The following MEGF10 variants were observed in gnomAD, a reference collection of about 807,000 sequenced individuals.
MEGF10 encodes multiple EGF like domains 10, also known as multiple epidermal growth factor-like domains protein 10.
In MEGF10, 86 loss-of-function variants were observed where a neutral mutation model predicts 147.5. That is an observed-to-expected ratio of 0.58 (90% confidence interval 0.49 to 0.70). The LOEUF (loss-of-function observed/expected upper bound fraction) is 0.70, where lower values mean the gene tolerates loss of function less well. Among genes scored for constraint, MEGF10 ranks in the 30% least tolerant of loss-of-function variants. The pLI is 0.00. For missense variants in MEGF10, 1,329 were observed against 1,487.3 expected (o/e 0.89, Z 1.75); for synonymous variants, 478 against 525.5 (o/e 0.91, Z 1.24).
rs1218321550 is a variant in MEGF10 at position 127,445,652 on chromosome 5, C to A, written c.2687C>A (p.Thr896Asn). The change falls in exon 20 of 25, where the codon ACC becomes AAC. Residue 896 changes from threonine to asparagine, a missense_variant. Around this residue, in one of 3 missense-constraint regions of MEGF10, gnomAD observed 343 missense variants for 377.9 expected, o/e 0.91. Coordinates refer to ENST00000503335, the MANE Select transcript of MEGF10 (RefSeq NM_001256545.2). ...TCAAGCATGCCAGCAGTTACCTACA[C>A]CCCTGCTATGAGGGTCGTCAATGCA... is the stretch of plus-strand genomic sequence containing the variant. ...KESSMPAVTY[T>N]PAMRVVNADY... is the part of the protein sequence containing the mutation. The A allele has an allele frequency of 5.0e-6, 8 of 1,614,072 alleles. No individual in the cohort carries two copies. The South Asian group carries it at 5.5e-5, about 11-fold the overall frequency.
In MEGF10 at chr5:127,433,464, A is replaced by T. The variant is rs1236530209; in HGVS notation, c.1795A>T (p.Ile599Phe). ...GGCTTCATGCTCCCCTGATGATGGC[A>T]TCTGCGAGTGTGCACCAGGCTTCCG... is the stretch of plus-strand genomic sequence containing the variant. ...NGASCSPDDG[I>F]CECAPGFRGT... Residue 599 changes from isoleucine to phenylalanine, a missense_variant, in exon 14 of 25, where the codon ATC becomes TTC. Physicochemically the swap from Ile to Phe is conservative, Grantham distance 21. Transcript: ENST00000503335. The T allele has an allele frequency of 6.2e-7, 1 of 1,613,786 alleles. No homozygotes were observed.
chr5:127,313,155 C>T (rs1394333123), intron 1 of MEGF10, among the ~76,000 whole-genome samples: 2 of 152,164 alleles, frequency 1.3e-5, no homozygotes, highest in East Asian at 3.9e-4. Context: ...TTCTCTGTGA[C>T]CCTGGGGCTC....
chr5:127,390,295 C>CTT (rs769521777), intron 5 of MEGF10, among the ~76,000 whole-genome samples: 3 of 146,128 alleles, frequency 2.1e-5, no homozygotes, highest in East Asian at 2.0e-4. Flanking sequence ...CATGGGGCAT[C>CTT]TTTTTTTTTT....
At chr5:127,322,736 GA>G (rs1312416295) in intron 1 of MEGF10, among the ~76,000 whole-genome samples, 2 of 152,176 alleles carry the variant, frequency 1.3e-5, no homozygotes, top group Admixed American at 1.3e-4. Flanking sequence ...AACAGCTGAT[GA>G]AATTTGAATT....
intron 5 of MEGF10, among the ~76,000 whole-genome samples, chr5:127,387,553 G>A (rs757109841): frequency 3.9e-5 from 6 of 152,156 alleles, no homozygotes; most frequent in Admixed American, 1.3e-4. Context: ...CACTGATTCC[G>A]GTTTTGTAAT....
the MEGF10 span, among the ~76,000 whole-genome samples, chr5:127,244,821 C>T: frequency 6.6e-6 from 1 of 151,940 alleles, no homozygotes; most frequent in East Asian, 1.9e-4. Flanking sequence ...TTGTATGACT[C>T]ACGTATACTT....
chr5:127,435,799 A>G (rs143901596), intron 16 of MEGF10, among the ~76,000 whole-genome samples: 82 of 152,316 alleles, frequency 5.4e-4, no homozygotes, highest in Non-Finnish European at 8.7e-4. Flanking sequence ...TGAGAAATCT[A>G]TCTCTTCATT....
At chr5:127,344,006 G>A (rs1222926763) in intron 4 of MEGF10, among the ~76,000 whole-genome samples, 3 of 152,126 alleles carry the variant, frequency 2.0e-5, no homozygotes, top group African/African-American at 2.4e-5. Context: ...AGTTTAACTT[G>A]TTTTGGGAGA....
the MEGF10 span, among the ~76,000 whole-genome samples, chr5:127,273,166 A>T: frequency 3.9e-5 from 6 of 152,158 alleles, no homozygotes; most frequent in Non-Finnish European, 8.8e-5. Context: ...TGTGTGTTGG[A>T]CCCAAAACCC....
At chr5:127,251,447 T>C in the MEGF10 span, among the ~76,000 whole-genome samples, 1 of 152,050 alleles carries the variant, frequency 6.6e-6, no homozygotes, top group Non-Finnish European at 1.5e-5. Context: ...GAAGATTAAA[T>C]ACATTAATAT....
intron 16 of MEGF10, among the ~76,000 whole-genome samples, chr5:127,436,141 T>G (rs1765547112): frequency 6.6e-6 from 1 of 152,230 alleles, no homozygotes; most frequent in African/African-American, 2.4e-5. Context: ...GTAATCTGGT[T>G]TCATTCATTT....
chr5:127,391,096 G>GCACACACA (rs1413153325), intron 5 of MEGF10, among the ~76,000 whole-genome samples: 1 of 29,366 alleles, frequency 3.4e-5, no homozygotes, highest in Non-Finnish European at 1.2e-4. Context: ...ATGCGCGCGC[G>GCACACACA]CGCGCGCACA....
At chr5:127,240,634 T>C in the MEGF10 span, among the ~76,000 whole-genome samples, 47 of 152,156 alleles carry the variant, frequency 3.1e-4, no homozygotes, top group Non-Finnish European at 1.2e-4. Flanking sequence ...CCTTGAAAAA[T>C]TGGTTAAGTC....
At chr5:127,327,930 T>G (rs1010356778) in intron 1 of MEGF10, among the ~76,000 whole-genome samples, 26 of 152,006 alleles carry the variant, frequency 1.7e-4, no homozygotes, top group South Asian at 1.0e-3. Flanking sequence ...TTGGCCAGGG[T>G]GGTTTCGAAC....
rs114741016 is a variant in MEGF10, at chr5:127,301,640, C to T, written c.-19+10584C>T. 3.9e-3 allele frequency among the ~76,000 whole-genome samples: 588 copies of T among 152,322 alleles called. 4 individuals are homozygous for T. The highest frequency in any genetic ancestry group is 0.013 in the African/African-American group (554 of 41,568). ...GACAAACTGGGCTGGAATCCCTTCTCTACCACTGACATCTTGGTGACTTTG... is the reference window on the plus strand; with the variant it reads ...GACAAACTGGGCTGGAATCCCTTCTTTACCACTGACATCTTGGTGACTTTG... On this transcript the variant is annotated intron_variant, in intron 1 of 24. Coordinates refer to ENST00000503335, the MANE Select transcript of MEGF10 (RefSeq NM_001256545.2).
At chr5:127,344,450 G>A (rs1281663967) in intron 4 of MEGF10, among the ~76,000 whole-genome samples, 1 of 152,042 alleles carries the variant, frequency 6.6e-6, no homozygotes, top group Non-Finnish European at 1.5e-5. Flanking sequence ...GGTGATGAGT[G>A]GAGGAGGAGG....
Position 127,460,352 on chromosome 5 carries a change from C to T in MEGF10, c.*3034C>T, listed in dbSNP as rs892718465. The T allele has an allele frequency of 6.6e-6, 1 of 152,136 alleles. No individual in the cohort carries two copies. The highest frequency in any genetic ancestry group is 2.4e-5 in the African/African-American group (1 of 41,432). The allele number at this position is 152,136 out of a possible 1,614,324, so 9.4% of individuals were successfully genotyped here. ...TTATATGATAGTGAGGAACATTTTA[C>T]AATTATTTACAGTGTTTGACATTAA... On this transcript the variant is annotated 3_prime_UTR_variant, in exon 25 of 25. Transcript: ENST00000503335.
intron 4 of MEGF10, among the ~76,000 whole-genome samples, chr5:127,360,994 G>A (rs1762452053): frequency 6.6e-6 from 1 of 151,906 alleles, no homozygotes; most frequent in African/African-American, 2.4e-5. Context: ...CTTGTTTGTA[G>A]TTTGTTTCTT....
In MEGF10 at chr5:127,369,934, A is replaced by G; in HGVS notation, c.344A>G (p.His115Arg). ...GCCCACTGTGCTGATAAATGTGTCC[A>G]TGGTCGCTGTATTGCTCCAAACACC... ...CVPHCADKCV[H>R]GRCIAPNTCQ... Residue 115 changes from histidine (H) to arginine (R), a missense_variant, in exon 5 of 25, where the codon CAT becomes CGT. His to Arg is a conservative substitution (Grantham distance 29). This residue lies in a region of MEGF10 where 980 missense variants were observed against 1,085.9 expected (regional missense o/e 0.90). Coordinates refer to ENST00000503335, the MANE Select transcript of MEGF10 (RefSeq NM_001256545.2). 4 of 1,612,288 alleles carry G rather than the reference A, an allele frequency of 2.5e-6. No individual in the cohort carries two copies. Among genetic ancestry groups the G allele is most frequent in the Non-Finnish European group, 3.4e-6 (4 of 1,178,918 alleles).
Sources: allele counts gnomAD v4.1 joint callset (sites outside exome capture counted in the v4.1 genomes callset), GRCh38; gene constraint gnomAD v4.1.1; regional missense constraint gnomAD v4.1.1; transcripts MANE v1.5; gene names NCBI Gene and HGNC (gene_info 2026-07-23, HGNC 2026-07-21).